ERBB4: variants seen among roughly 807,000 people sequenced by gnomAD.
The protein encoded by ERBB4 is receptor tyrosine-protein kinase erbB-4.
In ERBB4, 42 loss-of-function variants were observed where a neutral mutation model predicts 158.0. That is an observed-to-expected ratio of 0.27 (90% confidence interval 0.21 to 0.34). ERBB4 has a LOEUF of 0.34. ERBB4 is among the 10% of genes least tolerant of loss of function. ERBB4 has a pLI of 1.00. For synonymous variants in ERBB4, 583 were observed against 558.7 expected (o/e 1.04, Z -0.61); for missense variants, 1,333 against 1,624.1 (o/e 0.82, Z 3.08).
chr2:212,036,971 G>A (rs1372021900), intron 2 of ERBB4, among the ~76,000 whole-genome samples: 1 of 152,114 alleles, frequency 6.6e-6, no homozygotes, highest in Non-Finnish European at 1.5e-5. Context: ...TATCAACTTG[G>A]TAGAACAGTT....
intron 3 of ERBB4, among the ~76,000 whole-genome samples, chr2:211,882,854 C>T (rs1291300273): frequency 6.6e-6 from 1 of 152,128 alleles, no homozygotes; most frequent in Non-Finnish European, 1.5e-5. Context: ...TGTAATTTAT[C>T]TTCACTTCAC....
chr2:211,769,400 GC>G (rs1186018596), intron 4 of ERBB4, among the ~76,000 whole-genome samples: 2 of 152,084 alleles, frequency 1.3e-5, no homozygotes, highest in African/African-American at 4.8e-5. Flanking sequence ...TTCCAAAGTT[GC>G]TTCCACATTT....
intron 1 of ERBB4, among the ~76,000 whole-genome samples, chr2:212,142,935 CT>C (rs763731261): frequency 9.5e-4 from 137 of 143,894 alleles, no homozygotes; most frequent in Middle Eastern, 7.1e-3. Context: ...TTAGGAACAT[CT>C]TTTTTTTTTT....
At chr2:212,458,698 G>T (rs1688425138) in intron 1 of ERBB4, among the ~76,000 whole-genome samples, 3 of 152,030 alleles carry the variant, frequency 2.0e-5, no homozygotes, top group Admixed American at 2.0e-4. Context: ...CTGATTTGGA[G>T]ACAATGGATT....
At chr2:211,836,438 T>C (rs2077343920) in intron 3 of ERBB4, among the ~76,000 whole-genome samples, 1 of 152,048 alleles carries the variant, frequency 6.6e-6, no homozygotes, top group Non-Finnish European at 1.5e-5. Flanking sequence ...TAGCAACATG[T>C]GTGTGATATT....
chr2:212,512,967 A>AT (rs1250261032), intron 1 of ERBB4, among the ~76,000 whole-genome samples: 2 of 152,114 alleles, frequency 1.3e-5, no homozygotes, highest in Non-Finnish European at 2.9e-5. Flanking sequence ...TTTCAAAACT[A>AT]TTGTTGCAGT....
chr2:211,750,652 A>G lies in ERBB4; in HGVS notation c.609T>C (p.Asn203=). 1 of 1,613,866 alleles carries G rather than the reference A, an allele frequency of 6.2e-7. No homozygotes were observed. Among genetic ancestry groups the G allele is most frequent in the Non-Finnish European group, 8.5e-7 (1 of 1,179,858 alleles). The part of the protein sequence containing the change: ...CTGRCWGPTE[N]HCQTLTRTVC... ...ATGAACACTTACAAGTCTGGCAATG[A>G]TTTTCTGTGGGTCCCCAGCAACGGC... Residue 203 remains asparagine, a synonymous_variant, in exon 5 of 28, where the codon AAT becomes AAC. Coordinates refer to ENST00000342788, the MANE Select transcript of ERBB4 (RefSeq NM_005235.3).
At chr2:212,001,649 A>C (rs2076108463) in intron 2 of ERBB4, among the ~76,000 whole-genome samples, 1 of 152,170 alleles carries the variant, frequency 6.6e-6, no homozygotes. Context: ...TTTTTAAGAA[A>C]AGTCTTTTGT....
intron 2 of ERBB4, among the ~76,000 whole-genome samples, chr2:211,994,901 A>C (rs966349410): frequency 1.4e-5 from 2 of 139,590 alleles, no homozygotes; most frequent in Non-Finnish European, 3.3e-5. Context: ...TGTGCACAAG[A>C]ACCTGAACAT....
At chr2:211,995,972 C>T (rs894858975) in intron 2 of ERBB4, among the ~76,000 whole-genome samples, 5 of 152,146 alleles carry the variant, frequency 3.3e-5, no homozygotes, top group African/African-American at 9.7e-5. Flanking sequence ...TTAGGTCAAT[C>T]GGCCTAGAAT....
chr2:212,255,523 G>A (rs1182638784), intron 1 of ERBB4, among the ~76,000 whole-genome samples: 2 of 152,116 alleles, frequency 1.3e-5, no homozygotes, highest in East Asian at 1.9e-4. Context: ...TGCTGTAAGA[G>A]GTACAGGTTT....
In ERBB4 at chr2:212,060,959, TAATAAATA is replaced by T. The variant is rs58630259; in HGVS notation, c.234+63785_234+63792del. On this transcript the variant is annotated intron_variant, in intron 2 of 27. Transcript: ENST00000342788. ...ACGTACCCTAAAACTTAAAGTATGA[TAATAAATA>T]AATAAATAAATAAATAAATAAATAA... 9.1e-3 allele frequency among the ~76,000 whole-genome samples: 1,329 copies of T among 145,864 alleles called. 18 individuals are homozygous for T. Among genetic ancestry groups the T allele is most frequent in the African/African-American group, 0.031 (1,214 of 39,198 alleles).
chr2:211,683,887 G>C lies in ERBB4; in HGVS notation c.1490-4703C>G, dbSNP rs76218628. ...TTACTCTTTTTATTTTAGCCATTCTGATAGGTGTAGTAATATCTCATTGTG... is the reference window on the plus strand; with the variant it reads ...TTACTCTTTTTATTTTAGCCATTCTCATAGGTGTAGTAATATCTCATTGTG... On this transcript the variant is annotated intron_variant, in intron 12 of 27. Coordinates refer to ENST00000342788, the MANE Select transcript of ERBB4 (RefSeq NM_005235.3). Among the ~76,000 whole-genome samples, 803 of 151,856 alleles carry C rather than the reference G, an allele frequency of 5.3e-3. 9 individuals are homozygous for C. Among genetic ancestry groups the C allele is most frequent in the African/African-American group, 0.018 (765 of 41,424 alleles).
intron 3 of ERBB4, among the ~76,000 whole-genome samples, chr2:211,932,426 C>T (rs545758640): frequency 6.6e-6 from 1 of 152,022 alleles, no homozygotes; most frequent in East Asian, 1.9e-4. Context: ...AAATTATATA[C>T]ATTTATGGAT....
chr2:212,243,175 ATGT>A (rs1337369976), intron 1 of ERBB4, among the ~76,000 whole-genome samples: 1 of 152,130 alleles, frequency 6.6e-6, no homozygotes, highest in African/African-American at 2.4e-5. Context: ...TTAGCAGCTA[ATGT>A]TGTTTCATTT....
intron 15 of ERBB4, among the ~76,000 whole-genome samples, chr2:211,664,187 T>C (rs1036937209): frequency 2.0e-5 from 3 of 152,228 alleles, no homozygotes; most frequent in African/African-American, 7.2e-5. Flanking sequence ...ATTGATGTTT[T>C]CTTGGCAGGA....
intron 25 of ERBB4, among the ~76,000 whole-genome samples, chr2:211,401,466 T>C (rs2063041127): frequency 6.6e-6 from 1 of 151,994 alleles, no homozygotes; most frequent in Non-Finnish European, 1.5e-5. Context: ...GATGAGGCAT[T>C]GTCAACAGGC....
intron 2 of ERBB4, among the ~76,000 whole-genome samples, chr2:212,008,088 T>C (rs2076297724): frequency 6.6e-6 from 1 of 152,094 alleles, no homozygotes; most frequent in South Asian, 2.1e-4. Flanking sequence ...ACATTTTTCA[T>C]TTGAAAGATA....
intron 1 of ERBB4, among the ~76,000 whole-genome samples, chr2:212,425,383 C>T (rs2091888761): frequency 6.8e-6 from 1 of 147,342 alleles, no homozygotes; most frequent in South Asian, 2.1e-4. Flanking sequence ...TATATATGAA[C>T]ATATATGTAT....
Sources: gnomAD v4.1 joint callset for allele counts (sites outside exome capture counted in the v4.1 genomes callset) on GRCh38, gnomAD v4.1.1 for gene constraint, MANE v1.5 for transcripts, NCBI Gene and HGNC (gene_info 2026-07-23, HGNC 2026-07-21) for gene names.